The following STRA6 variants were observed in gnomAD, a reference collection of about 807,000 sequenced individuals.
STRA6 encodes the protein receptor for retinol uptake STRA6.
In STRA6, 48 loss-of-function variants were observed where a neutral mutation model predicts 83.6. The ratio of observed to expected loss-of-function variants is 0.57; its 90% CI spans 0.46 to 0.73. The LOEUF (loss-of-function observed/expected upper bound fraction) is 0.73. Ranked by LOEUF, STRA6 falls within the 30% of genes least tolerant of loss-of-function variation. The pLI is 0.00. For missense variants in STRA6, 760 were observed against 838.8 expected, an observed-to-expected ratio of 0.91 and a Z score of 1.16; for synonymous variants, 353 against 362.3, an observed-to-expected ratio of 0.97 and a Z score of 0.29.
At chr15:74,198,225 G>A (rs905230339) in intron 2 of STRA6, among the ~76,000 whole-genome samples, 3 of 151,830 alleles carry the variant, frequency 2.0e-5, no homozygotes, top group African/African-American at 7.3e-5. Flanking sequence ...TCCCACCTCA[G>A]CCTCATGAGT....
At chr15:74,197,313 G>T (rs768753681) in intron 4 of STRA6, 25 bp downstream of exon 4, 1 of 1,534,088 alleles carries the variant, frequency 6.5e-7, no homozygotes, top group South Asian at 1.2e-5. Flanking sequence ...CCCCTGAGTG[G>T]GGGTGCCCAG....
intron 7 of STRA6, chr15:74,194,892 C>A: frequency 7.2e-7 from 1 of 1,388,328 alleles, no homozygotes; most frequent in South Asian, 1.9e-5. Context: ...CCGGAATTCT[C>A]CTCTCAGCCC....
intron 9 of STRA6, 51 bp downstream of exon 9, chr15:74,191,373 T>C: frequency 6.2e-7 from 1 of 1,609,568 alleles, no homozygotes; most frequent in Non-Finnish European, 8.5e-7. Context: ...CAAGCACGGC[T>C]GCTAACCAGC....
intron 8 of STRA6, 145 bp downstream of exon 8, chr15:74,193,655 G>A: frequency 7.2e-7 from 1 of 1,383,686 alleles, no homozygotes; most frequent in South Asian, 1.2e-5. Context: ...GGAGGACTAA[G>A]CAGTCACTCA....
chr15:74,203,151 G>A, upstream of STRA6: 2 of 985,576 alleles, frequency 2.0e-6, no homozygotes, highest in South Asian at 9.4e-5. Context: ...AGGGGAATCT[G>A]TCCGTTTCTT....
chr15:74,205,568 G>C (rs1216871768), upstream of STRA6, among the ~76,000 whole-genome samples: 2 of 152,300 alleles, frequency 1.3e-5, no homozygotes, highest in Middle Eastern at 3.4e-3. Flanking sequence ...CACACACCAG[G>C]CCTCACTTCC....
upstream of STRA6, chr15:74,212,057 T>C (rs1229272253): frequency 6.6e-6 from 1 of 152,552 alleles, no homozygotes; most frequent in African/African-American, 2.4e-5. Context: ...CCTAAATCTC[T>C]GATCTTGGGC....
chr15:74,204,934 CAAA>C (rs1006130543), upstream of STRA6, among the ~76,000 whole-genome samples: 25 of 126,104 alleles, frequency 2.0e-4, no homozygotes, highest in Admixed American at 5.5e-4. Flanking sequence ...AACTCCATCT[CAAA>C]AAAAAAGAAA....
At chr15:74,208,607 G>C (rs1343819709) in intron 1 of STRA6, among the ~76,000 whole-genome samples, 1 of 152,094 alleles carries the variant, frequency 6.6e-6, no homozygotes, top group Non-Finnish European at 1.5e-5. Context: ...TAGCCCCCCA[G>C]TGTCCCCTGA....
chr15:74,195,832 T>C (rs1219628684), intron 5 of STRA6, among the ~76,000 whole-genome samples, 157 bp from the exon 6 acceptor site: 1 of 152,200 alleles, frequency 6.6e-6, no homozygotes, highest in Non-Finnish European at 1.5e-5. Context: ...ATGCATACTT[T>C]GTAGCATCGT....
intron 2 of STRA6, among the ~76,000 whole-genome samples, chr15:74,201,650 G>A (rs1396025479): frequency 6.6e-6 from 1 of 152,128 alleles, no homozygotes; most frequent in Non-Finnish European, 1.5e-5. Context: ...CAACAAGGGT[G>A]CTTGTTTCCT....
Position 74,188,558 on chromosome 15 carries a change from C to T in STRA6, c.1090+557G>A, listed in dbSNP as rs180838953. On this transcript the variant is annotated intron_variant, in intron 12 of 18. Coordinates refer to ENST00000395105, the MANE Select transcript of STRA6 (RefSeq NM_022369.4). This position sits in a 1 kb window ranked among gnomAD's most constrained non-coding sequence, Gnocchi z 4.5. ...CCCCTCCACAGCGCTGTTGGGAGCG[C>T]CCAGGAGGCAGAGTAAGTAGGTGGC... Among the ~76,000 whole-genome samples the T allele has an allele frequency of 1.3e-5, 2 of 152,312 alleles. No homozygotes were observed. Among genetic ancestry groups the T allele is most frequent in the Admixed American group, 1.3e-4 (2 of 15,308 alleles).
At chr15:74,194,000 A>C in intron 7 of STRA6, 78 bp from the exon 8 acceptor site, 2 of 1,586,406 alleles carry the variant, frequency 1.3e-6, no homozygotes, top group Non-Finnish European at 1.7e-6. Context: ...TGCCCTTCCC[A>C]CCTCACACTG....
At chr15:74,185,721 C>G (rs928193422) in intron 12 of STRA6, among the ~76,000 whole-genome samples, 1 of 152,228 alleles carries the variant, frequency 6.6e-6, no homozygotes, top group Non-Finnish European at 1.5e-5. Context: ...ACCTTACGTC[C>G]ACATCCAGTC....
chr15:74,197,680 G>A, intron 3 of STRA6, 72 bp downstream of exon 3: 2 of 1,579,246 alleles, frequency 1.3e-6, no homozygotes, highest in Non-Finnish European at 1.7e-6. Flanking sequence ...ACCAGCCCCA[G>A]TGGGGAACAC....
In STRA6 at chr15:74,179,720, G is replaced by A. The variant is rs1228509152; in HGVS notation, c.*360C>T. ...CAGCGTGAAGGCCAAGGCTGAGGTG[G>A]AGCTGGGCTGGAGTGGTTCCAGAGA... On this transcript the variant is annotated 3_prime_UTR_variant, in exon 19 of 19. Coordinates refer to ENST00000395105, the MANE Select transcript of STRA6 (RefSeq NM_022369.4). 9 of 222,398 alleles carry A rather than the reference G, an allele frequency of 4.0e-5. No individual in the cohort carries two copies. Among genetic ancestry groups the A allele is most frequent in the African/African-American group, 2.0e-4 (9 of 44,172 alleles). 13.8% of individuals were successfully genotyped at this position (222,398 alleles called of 1,614,324 possible).
intron 2 of STRA6, among the ~76,000 whole-genome samples, chr15:74,198,223 C>T (rs1445096550): frequency 6.6e-6 from 1 of 152,092 alleles, no homozygotes; most frequent in Non-Finnish European, 1.5e-5. Flanking sequence ...CCTCCCACCT[C>T]AGCCTCATGA....
chr15:74,180,326 GA>G, intron 18 of STRA6, 83 bp from the exon 19 acceptor site: 1 of 1,563,144 alleles, frequency 6.4e-7, no homozygotes. Flanking sequence ...CAGAGAGCCT[GA>G]AAATCCCAGG....
chr15:74,199,953 A>T (rs529944278), intron 2 of STRA6, among the ~76,000 whole-genome samples: 63 of 152,330 alleles, frequency 4.1e-4, no homozygotes, highest in Non-Finnish European at 7.2e-4. Context: ...GCAGTGGCTC[A>T]CGCCTATAAT....
Sources: allele counts gnomAD v4.1 joint callset (sites outside exome capture counted in the v4.1 genomes callset), GRCh38; gene constraint gnomAD v4.1.1; non-coding constraint Gnocchi (gnomAD v3.1); transcripts MANE v1.5; gene names NCBI Gene and HGNC (gene_info 2026-07-23, HGNC 2026-07-21).